Variants in ROBO2 observed in about 807,000 individuals in gnomAD.
ROBO2 encodes roundabout guidance receptor 2.
ROBO2 carries 53 observed loss-of-function variants against 160.8 expected under a neutral mutation model. That is an observed-to-expected ratio of 0.33 (90% confidence interval 0.26 to 0.41). ROBO2 has a LOEUF of 0.41. Ranked by LOEUF, ROBO2 falls within the 10% of genes least tolerant of loss-of-function variation. The probability of loss-of-function intolerance (pLI) is 1.00; values close to 1 mark genes in which losing one functional copy is unlikely to be tolerated. For synonymous variants in ROBO2, 664 were observed against 611.7 expected (o/e 1.09, Z -1.26); for missense variants, 1,577 against 1,722.4 (o/e 0.92, Z 1.49).
At chr3:76,903,019 G>C (rs1306033336) in intron 2 of ROBO2, among the ~76,000 whole-genome samples, 1 of 151,516 alleles carries the variant, frequency 6.6e-6, no homozygotes, top group Non-Finnish European at 1.5e-5. Flanking sequence ...CACTATTCTT[G>C]TTTTACAAGG....
chr3:76,632,706 G>A (rs2090099110), intron 2 of ROBO2, among the ~76,000 whole-genome samples: 2 of 152,148 alleles, frequency 1.3e-5, no homozygotes. Flanking sequence ...CACAAGGGTA[G>A]ATTTCTCATT....
intron 2 of ROBO2, among the ~76,000 whole-genome samples, chr3:76,996,499 G>A (rs948523580): frequency 6.6e-6 from 1 of 152,118 alleles, no homozygotes; most frequent in African/African-American, 2.4e-5. Flanking sequence ...AAAGTCATTG[G>A]TAGCTTGATG....
intron 21 of ROBO2, among the ~76,000 whole-genome samples, chr3:77,611,552 T>A (rs2094643037): frequency 6.6e-6 from 1 of 152,104 alleles, no homozygotes; most frequent in African/African-American, 2.4e-5. Context: ...AAGGTAAGTA[T>A]TTAGGAGATA....
rs907218398 is a variant in ROBO2 at position 77,588,648 on chromosome 3, T to A, written c.2501-103T>A. ...GATAGGCTCAAAACTAAACAAGCATTTCCTGCCTTCAAATAATTTTTCTTC... is the reference window on the plus strand; with the variant it reads ...GATAGGCTCAAAACTAAACAAGCATATCCTGCCTTCAAATAATTTTTCTTC... On this transcript the variant is annotated intron_variant, in intron 16 of 25. Coordinates refer to ENST00000461745, the Ensembl canonical transcript of ROBO2. 4.7e-5 allele frequency: 51 copies of A among 1,089,728 alleles called. 2 individuals are homozygous for A. The Admixed American group carries it at 8.4e-4, about 18-fold the overall frequency. The allele number at this position is 1,089,728 out of a possible 1,614,324, so 67.5% of individuals were successfully genotyped here. A position where few individuals can be genotyped will look rare whatever the true frequency, so the allele number is the denominator to read the frequency against.
rs369314223 is a variant in ROBO2 at position 76,401,591 on chromosome 3, A to T, written c.109+463989A>T. On this transcript the variant is annotated intron_variant, in intron 2 of 26. Coordinates refer to the ROBO2 transcript ENST00000487694. ...ACGGAACCAGTAAGAGTTGAAATTTATGATGGTGTTGCAAGTATTAGGTGC... is the reference window on the plus strand; with the variant it reads ...ACGGAACCAGTAAGAGTTGAAATTTTTGATGGTGTTGCAAGTATTAGGTGC... Among the ~76,000 whole-genome samples, 60 of 151,656 alleles carry T rather than the reference A, an allele frequency of 4.0e-4. No individual in the cohort carries two copies. In the East Asian group the frequency reaches 9.3e-3, roughly 23 times the overall value.
At chr3:75,965,467 G>A (rs530755039) in intron 2 of ROBO2, among the ~76,000 whole-genome samples, 2 of 152,306 alleles carry the variant, frequency 1.3e-5, no homozygotes, top group Admixed American at 6.5e-5. Flanking sequence ...TGATGTACAC[G>A]TGCGCAGGGA....
intron 2 of ROBO2, among the ~76,000 whole-genome samples, chr3:76,272,524 G>A (rs562167027): frequency 1.3e-4 from 20 of 150,530 alleles, no homozygotes; most frequent in African/African-American, 3.7e-4. Flanking sequence ...TTAGCTGGGC[G>A]TGGTGGCGCG....
chr3:77,591,788 AC>A (rs557875056), intron 17 of ROBO2, among the ~76,000 whole-genome samples: 58 of 152,248 alleles, frequency 3.8e-4, no homozygotes, highest in African/African-American at 1.4e-3. Context: ...TTGTCTGACC[AC>A]CCCAACCCTT....
intron 2 of ROBO2, among the ~76,000 whole-genome samples, chr3:77,293,849 T>C (rs2061643778): frequency 7.1e-6 from 1 of 140,726 alleles, no homozygotes. Context: ...ACGGGTAGGC[T>C]GAGGCTAGAT....
At chr3:77,456,416 C>G (rs1041689193) in intron 2 of ROBO2, among the ~76,000 whole-genome samples, 1 of 152,136 alleles carries the variant, frequency 6.6e-6, no homozygotes, top group Non-Finnish European at 1.5e-5. Flanking sequence ...GTTAAGGAAA[C>G]ATTTATGTGA....
At chr3:75,928,231 GCCTCGA>G (rs1947370196) in intron 1 of ROBO2, among the ~76,000 whole-genome samples, 1 of 151,900 alleles carries the variant, frequency 6.6e-6, no homozygotes, top group South Asian at 2.1e-4. Flanking sequence ...TGATCCACAC[GCCTCGA>G]CCTCCCAAAG....
chr3:77,578,272 A>G (rs970073977), intron 15 of ROBO2, among the ~76,000 whole-genome samples: 1 of 152,166 alleles, frequency 6.6e-6, no homozygotes, highest in African/African-American at 2.4e-5. Flanking sequence ...TACGTTTTCA[A>G]AATAAGATTC....
intron 2 of ROBO2, among the ~76,000 whole-genome samples, chr3:76,274,727 A>G (rs1707818277): frequency 6.6e-6 from 1 of 151,738 alleles, no homozygotes; most frequent in Non-Finnish European, 1.5e-5. Context: ...AGTCCCAGCT[A>G]CTCAGGAGGC....
chr3:76,136,533 A>G (rs1396546920), intron 2 of ROBO2, among the ~76,000 whole-genome samples: 1 of 152,066 alleles, frequency 6.6e-6, no homozygotes, highest in African/African-American at 2.4e-5. Flanking sequence ...AATGTCTAAA[A>G]TGTTGCCAAC....
intron 2 of ROBO2, among the ~76,000 whole-genome samples, chr3:76,652,230 C>G (rs926421369): frequency 6.6e-6 from 1 of 152,088 alleles, no homozygotes; most frequent in African/African-American, 2.4e-5. Flanking sequence ...GTAGCTGTAC[C>G]CACAAATGAG....
intron 2 of ROBO2, among the ~76,000 whole-genome samples, chr3:77,460,895 G>A (rs2082171046): frequency 1.3e-5 from 2 of 152,072 alleles, no homozygotes; most frequent in Admixed American, 1.3e-4. Flanking sequence ...AGGTACTGAT[G>A]TATTATGAAA....
At chr3:76,752,929 A>G (rs1162297695) in intron 2 of ROBO2, among the ~76,000 whole-genome samples, 1 of 151,980 alleles carries the variant, frequency 6.6e-6, no homozygotes, top group Non-Finnish European at 1.5e-5. Flanking sequence ...GAATGCAAAC[A>G]TTAGAAAATT....
chr3:76,682,559 C>G (rs529952044), intron 2 of ROBO2, among the ~76,000 whole-genome samples: 123 of 152,148 alleles, frequency 8.1e-4, no homozygotes, highest in African/African-American at 2.8e-3. Flanking sequence ...AGGCGCCCAC[C>G]ACCATGCCCA....
At chr3:77,002,487 A>G (rs1174944173) in intron 2 of ROBO2, among the ~76,000 whole-genome samples, 4 of 151,986 alleles carry the variant, frequency 2.6e-5, no homozygotes, top group Non-Finnish European at 5.9e-5. Flanking sequence ...TTAATACTTT[A>G]GTAAAGTAGC....
Sources: gnomAD v4.1 joint callset for allele counts (sites outside exome capture counted in the v4.1 genomes callset) on GRCh38, gnomAD v4.1.1 for gene constraint, MANE v1.5 for transcripts, NCBI Gene and HGNC (gene_info 2026-07-23, HGNC 2026-07-21) for gene names.